The following RGS12 variants were observed in gnomAD, a reference collection of about 807,000 sequenced individuals.
RGS12 encodes the protein regulator of G-protein signaling 12.
RGS12 carries 66 observed loss-of-function variants against 120.1 expected under a neutral mutation model. The ratio of observed to expected loss-of-function variants is 0.55; its 90% CI spans 0.45 to 0.67. RGS12 has a LOEUF of 0.67. Ranked by LOEUF, RGS12 falls within the 30% of genes least tolerant of loss-of-function variation. The pLI is 0.00. For synonymous variants in RGS12, 827 were observed against 804.7 expected (o/e 1.03, Z -0.47); for missense variants, 1,859 against 1,957.7 (o/e 0.95, Z 0.95).
Position 3,366,470 on chromosome 4 carries a change from C to T in RGS12, c.1999-19946C>T, listed in dbSNP as rs995951298. ...GTCTCCCGGGCACAGTCAGCAGAGGCGCTCCTCCAGTTCCCGCCTCTCTGC... is the reference window on the plus strand; with the variant it reads ...GTCTCCCGGGCACAGTCAGCAGAGGTGCTCCTCCAGTTCCCGCCTCTCTGC... On this transcript the variant is annotated intron_variant, in intron 3 of 17. Coordinates refer to ENST00000336727, the MANE Select transcript of RGS12 (RefSeq NM_001394154.1). This position sits in a 1 kb window ranked among gnomAD's most constrained non-coding sequence, Gnocchi z 4.0. Among the ~76,000 whole-genome samples the T allele has an allele frequency of 2.0e-5, 3 of 152,144 alleles. No homozygotes were observed. Among genetic ancestry groups the T allele is most frequent in the Non-Finnish European group, 2.9e-5 (2 of 68,020 alleles).
intron 4 of RGS12, among the ~76,000 whole-genome samples, chr4:3,407,833 C>A (rs1014468950): frequency 2.0e-5 from 3 of 152,194 alleles, no homozygotes; most frequent in African/African-American, 7.2e-5. Context: ...TTTCATCTTA[C>A]GGTATTAACA....
intron 3 of RGS12, chr4:3,370,356 A>G (rs1560121546): frequency 6.2e-7 from 1 of 1,604,114 alleles, no homozygotes; most frequent in Non-Finnish European, 8.5e-7. Context: ...TCATTTAATC[A>G]GTGGTAGGAA....
chr4:3,436,749 G>A (rs948441000), intron 17 of RGS12, among the ~76,000 whole-genome samples: 21 of 152,296 alleles, frequency 1.4e-4, no homozygotes, highest in East Asian at 7.7e-4. Flanking sequence ...GGGGGCGACC[G>A]GCAGCCGGTG....
At chr4:3,404,805 G>A (rs958280117) in intron 4 of RGS12, among the ~76,000 whole-genome samples, 26 of 152,380 alleles carry the variant, frequency 1.7e-4, no homozygotes, top group South Asian at 1.7e-3. Flanking sequence ...AGATTTTGGT[G>A]TCTATACCTC....
At chr4:3,364,323 C>A (rs1716066013) in intron 3 of RGS12, among the ~76,000 whole-genome samples, 1 of 152,118 alleles carries the variant, frequency 6.6e-6, no homozygotes, top group African/African-American at 2.4e-5. Context: ...TGAGGGCAGC[C>A]CCTGCAGCCT....
chr4:3,297,507 C>T (rs1455351379), intron 1 of RGS12, among the ~76,000 whole-genome samples: 1 of 152,182 alleles, frequency 6.6e-6, no homozygotes, highest in Non-Finnish European at 1.5e-5. Context: ...CTCTATGTGC[C>T]ATCATAATCA....
rs1209540344 is a variant in RGS12, at chr4:3,365,720, G to A, written c.1999-20696G>A. Among the ~76,000 whole-genome samples, 1 of 152,138 alleles carries A rather than the reference G, an allele frequency of 6.6e-6. No individual in the cohort carries two copies. The highest frequency in any genetic ancestry group is 1.5e-5 in the Non-Finnish European group (1 of 68,040). ...CTTTTACCCTGTCTCTTAGGTTTGCGACTTTGCTATTTTCAGAATTTAACT... is the reference window on the plus strand; with the variant it reads ...CTTTTACCCTGTCTCTTAGGTTTGCAACTTTGCTATTTTCAGAATTTAACT... On this transcript the variant is annotated intron_variant, in intron 3 of 17. Transcript: ENST00000336727. This position sits in a 1 kb window ranked among gnomAD's most constrained non-coding sequence, Gnocchi z 4.0.
At chr4:3,290,831 A>G (rs570063442), upstream of RGS12, among the ~76,000 whole-genome samples, 4 of 152,308 alleles carry the variant, frequency 2.6e-5, no homozygotes, top group South Asian at 8.3e-4. Flanking sequence ...TTCTGTGTCT[A>G]GCCCCTCCAG....
intron 17 of RGS12, chr4:3,431,183 C>T: frequency 7.1e-7 from 1 of 1,403,480 alleles, no homozygotes; most frequent in South Asian, 1.6e-5. Flanking sequence ...TCTGGGCAGG[C>T]ATCCTGGTGT....
chr4:3,364,656 G>C (rs1208229914), intron 3 of RGS12, among the ~76,000 whole-genome samples: 2 of 152,122 alleles, frequency 1.3e-5, no homozygotes, highest in African/African-American at 2.4e-5. Context: ...GGGGCAGCTG[G>C]GTGTCCCAGG....
In RGS12 at chr4:3,343,161, T is replaced by TCC. The variant is rs1363691448; in HGVS notation, c.1998+109_1998+110dup. On this transcript the variant is annotated intron_variant, in intron 3 of 17. Coordinates refer to ENST00000336727, the MANE Select transcript of RGS12 (RefSeq NM_001394154.1). ...TTTGAGTCCCTGTGGTCCCCTCCCC[T>TCC]CCTCCTCTGTAGTGGTAACCCCTGT... is the stretch of plus-strand genomic sequence containing the variant. 30 of 739,754 alleles carry TCC rather than the reference T, an allele frequency of 4.1e-5. 1 individual carries two copies. Among genetic ancestry groups the TCC allele is most frequent in the South Asian group, 3.9e-4 (24 of 61,100 alleles). The allele number at this position is 739,754 out of a possible 1,614,324, so 45.8% of individuals were successfully genotyped here.
intron 14 of RGS12, among the ~76,000 whole-genome samples, chr4:3,426,172 A>G (rs57627572): frequency 0.73 from 32 of 44 alleles, 10 homozygotes; most frequent in Non-Finnish European, 0.86. Context: ...CATAGGGGAG[A>G]GGGCGAGTGG....
chr4:3,422,592 C>A lies in RGS12; in HGVS notation c.3033+22C>A, dbSNP rs760038970. The A allele has an allele frequency of 5.6e-6, 9 of 1,602,736 alleles. No homozygotes were observed. The Admixed American group carries it at 1.0e-4, about 18-fold the overall frequency. On this transcript the variant is annotated intron_variant, in intron 11 of 17. Transcript: ENST00000336727. ...CAAGGTACTGGGCCCGCCTGACCCT[C>A]GTGCTGCCCTCAGGCCATGACCTCC...
At chr4:3,298,969 A>T (rs751976193) in intron 1 of RGS12, among the ~76,000 whole-genome samples, 1 of 152,086 alleles carries the variant, frequency 6.6e-6, no homozygotes, top group African/African-American at 2.4e-5. Flanking sequence ...ATCAATTTCT[A>T]TTGGCTTCTT....
intron 1 of RGS12, among the ~76,000 whole-genome samples, chr4:3,294,591 A>G (rs1723258729): frequency 1.3e-5 from 2 of 152,298 alleles, no homozygotes; most frequent in South Asian, 4.1e-4. Context: ...GATGCTCTGC[A>G]GGTGGGGGAG....
chr4:3,327,242 G>A (rs2108719404), intron 2 of RGS12, among the ~76,000 whole-genome samples: 1 of 152,310 alleles, frequency 6.6e-6, no homozygotes, highest in Admixed American at 6.5e-5. Flanking sequence ...GGATTGCCCT[G>A]TGTAGAAGAA....
At position 3,406,455 on chromosome 4, in the gene RGS12, C is replaced by T. The variant is rs114066528; in HGVS notation, c.2021-7617C>T. Among the ~76,000 whole-genome samples the T allele has an allele frequency of 9.5e-3, 1,442 of 152,298 alleles. 28 individuals carry two copies. The highest frequency in any genetic ancestry group is 0.033 in the African/African-American group (1,382 of 41,552). On this transcript the variant is annotated intron_variant, in intron 4 of 17. Transcript: ENST00000336727. ...AGCTGCTTGTGTGGCAGTGTCCATC[C>T]GGGAGTCAGTAGATGGGGTCAACAA...
chr4:3,409,810 T>C (rs1484129392), intron 4 of RGS12, among the ~76,000 whole-genome samples: 1 of 152,246 alleles, frequency 6.6e-6, no homozygotes, highest in Non-Finnish European at 1.5e-5. Context: ...GGCAGCCTCC[T>C]TTCTGCCTCC....
intron 3 of RGS12, among the ~76,000 whole-genome samples, chr4:3,355,557 G>C (rs1221770002): frequency 6.6e-6 from 1 of 152,134 alleles, no homozygotes; most frequent in Non-Finnish European, 1.5e-5. Flanking sequence ...CACTCTGGGA[G>C]GCTGAAGTGG....
Sources: gnomAD v4.1 joint callset for allele counts (sites outside exome capture counted in the v4.1 genomes callset) on GRCh38, gnomAD v4.1.1 for gene constraint, Gnocchi (gnomAD v3.1) non-coding constraint, MANE v1.5 for transcripts, NCBI Gene and HGNC (gene_info 2026-07-23, HGNC 2026-07-21) for gene names.